The following NFRKB variants were observed in gnomAD, a reference collection of about 807,000 sequenced individuals.
NFRKB encodes the protein nuclear factor related to kappa-B-binding protein.
A neutral mutation model predicts 135.7 loss-of-function variants in NFRKB; 62 were observed. The observed-to-expected ratio is 0.46, with a 90% CI of 0.37 to 0.56. The LOEUF (loss-of-function observed/expected upper bound fraction) is 0.56. Among genes scored for constraint, NFRKB ranks in the 20% least tolerant of loss-of-function variants. NFRKB has a pLI of 0.00. For synonymous variants in NFRKB, 678 were observed against 635.6 expected (o/e 1.07, Z -1.00); for missense variants, 1,545 against 1,662.0 (o/e 0.93, Z 1.22).
chr11:129,886,594 CCAAAAGTAAAAGCGTGCTGAGAAG>C, intron 4 of NFRKB, 150 bp from the exon 5 acceptor site: 1 of 732,058 alleles, frequency 1.4e-6, no homozygotes, highest in East Asian at 2.8e-5. Context: ...AGAAGGAGAA[CCAAAAGTAAAAGCGTGCTGAGAAG>C]CAATGACAGC....
At chr11:129,891,288 C>T (rs946210163) in intron 3 of NFRKB, among the ~76,000 whole-genome samples, 3 of 152,184 alleles carry the variant, frequency 2.0e-5, no homozygotes, top group Admixed American at 6.5e-5. Context: ...TGCACCAATA[C>T]GCGCTGAATC....
chr11:129,882,745 A>G (rs1400273059), intron 9 of NFRKB, 114 bp from the exon 10 acceptor site: 2 of 1,104,262 alleles, frequency 1.8e-6, no homozygotes, highest in Non-Finnish European at 2.6e-6. Context: ...AAGTCTCAGT[A>G]ATAAAACACT....
At chr11:129,878,106 C>T (rs1192333734) in intron 15 of NFRKB, among the ~76,000 whole-genome samples, 4 of 152,140 alleles carry the variant, frequency 2.6e-5, no homozygotes, top group Non-Finnish European at 5.9e-5. Context: ...GCTCTCCTGC[C>T]GTCCCCTCTC....
At position 129,881,863 on chromosome 11, in the gene NFRKB, A is replaced by G. The variant is rs757366095; in HGVS notation, c.1192-10T>C. ...AAACTCGCTCCTCTAGCTGAGGGAA[A>G]GCAAAGGCAGAACCCAGTCAGACTT... On this transcript the variant is annotated splice_polypyrimidine_tract_variant and intron_variant, in intron 11 of 26. Transcript: ENST00000682444. 1 of 1,589,918 alleles carries G rather than the reference A, an allele frequency of 6.3e-7. No homozygotes were observed. The highest frequency in any genetic ancestry group is 1.2e-5 in the South Asian group (1 of 86,588).
chr11:129,882,144 C>G lies in NFRKB; in HGVS notation c.1133G>C (p.Ser378Thr). ...PCLGINEISSSFFSLLLEILL... is the reference protein window; with the variant it reads ...PCLGINEISSTFFSLLLEILL... ...GATCTCTAATAGAAGAGAGAAGAAG[C>G]TGGAAGATATTTCATTGATTCCAAG... The change falls in exon 11 of 27, where the codon AGC (serine) becomes ACC (threonine). Residue 378 changes from serine (S) to threonine (T), a missense_variant. Physicochemically the swap from Ser to Thr is moderately conservative, Grantham distance 58. Around this residue, in one of 3 missense-constraint regions of NFRKB, gnomAD observed 678 missense variants for 646.7 expected, o/e 1.05. Transcript: ENST00000682444. 1.1e-5 allele frequency: 18 copies of G among 1,613,586 alleles called. No homozygotes were observed. Among genetic ancestry groups the G allele is most frequent in the Non-Finnish European group, 1.5e-5 (18 of 1,179,856 alleles).
chr11:129,878,511 C>A lies in NFRKB; in HGVS notation c.1417G>T (p.Ala473Ser). ...GTCTCTAGCCATAGCTGGAAGAGGG[C>A]AGCTAATTCCTTTTCATTATCTTGG... Reference protein sequence around the residue: ...QSQDNEKELAALFQLWLETKD... With the variant: ...QSQDNEKELASLFQLWLETKD... Residue 473 changes from alanine to serine, a missense_variant, in exon 14 of 27, where the codon GCC becomes TCC. Transcript: ENST00000682444. The A allele has an allele frequency of 1.2e-6, 2 of 1,614,126 alleles. No homozygotes were observed. Among genetic ancestry groups the A allele is most frequent in the Non-Finnish European group, 1.7e-6 (2 of 1,179,998 alleles).
Position 129,874,486 on chromosome 11 carries a change from C to G in NFRKB, c.2058+15G>C. 1 of 1,611,912 alleles carries G rather than the reference C, an allele frequency of 6.2e-7. No individual in the cohort carries two copies. The highest frequency in any genetic ancestry group is 8.5e-7 in the Non-Finnish European group (1 of 1,179,144). On this transcript the variant is annotated intron_variant, in intron 20 of 26. Transcript: ENST00000682444. This position sits in a 1 kb window ranked among gnomAD's most constrained non-coding sequence, Gnocchi z 4.5. ...CCAGAATCCCTAGGGCAGACACTCT[C>G]CTGAAGTCACTTACCACCTTGGATG...
At chr11:129,867,393 T>C (rs1394591982) in intron 24 of NFRKB, among the ~76,000 whole-genome samples, 1 of 151,078 alleles carries the variant, frequency 6.6e-6, no homozygotes, top group East Asian at 1.9e-4. Flanking sequence ...TGGCACGATC[T>C]TGGCTCACTG....
chr11:129,873,726 C>T lies in NFRKB; in HGVS notation c.2550+19G>A, dbSNP rs1213592738. On this transcript the variant is annotated intron_variant, in intron 22 of 26. Transcript: ENST00000682444. ...GGTCTGCATCTCTGCTTCCCAATGA[C>T]CACGGCTTCCCTGTTTACCTGGGGC... 1 of 1,605,538 alleles carries T rather than the reference C, an allele frequency of 6.2e-7. No individual in the cohort carries two copies. The highest frequency in any genetic ancestry group is 8.5e-7 in the Non-Finnish European group (1 of 1,172,862).
chr11:129,883,149 T>G lies in NFRKB; in HGVS notation c.874A>C (p.Asn292His), dbSNP rs1421208316. Residue 292 changes from asparagine (N) to histidine (H), a missense_variant, in exon 9 of 27, where the codon AAT (asparagine) becomes CAT (histidine). Physicochemically the swap from Asn to His is moderately conservative, Grantham distance 68. This residue lies in a region of NFRKB where 678 missense variants were observed against 646.7 expected (regional missense o/e 1.05). Transcript: ENST00000682444. ...LTLNDIMTRV[N>H]AGRKGSLAAL... ...GCCAGAGAGCCCTTCCTGCCAGCAT[T>G]TACTCGAGTCATGATGTCATTGAGA... 1 of 1,613,950 alleles carries G rather than the reference T, an allele frequency of 6.2e-7. No homozygotes were observed. Among genetic ancestry groups the G allele is most frequent in the African/African-American group, 1.3e-5 (1 of 74,874 alleles).
At position 129,888,839 on chromosome 11, in the gene NFRKB, G is replaced by T. The variant is rs146576846; in HGVS notation, c.136-44C>A. Reference sequence around the variant, plus strand: ...GTAAACAAAAGTAAAATAAATTTTTGAGTTTTTTGTATGTATGCGTATACA... The same window carrying T: ...GTAAACAAAAGTAAAATAAATTTTTTAGTTTTTTGTATGTATGCGTATACA... On this transcript the variant is annotated intron_variant, in intron 3 of 26. Coordinates refer to ENST00000682444, the MANE Select transcript of NFRKB (RefSeq NM_001143835.2). The T allele has an allele frequency of 2.1e-4, 323 of 1,538,192 alleles. 1 individual carries two copies. In the African/African-American group the frequency reaches 4.0e-3, roughly 19 times the overall value.
At position 129,864,674 on chromosome 11, in the gene NFRKB, A is replaced by G. The variant is rs1441364857; in HGVS notation, c.*51T>C. On this transcript the variant is annotated 3_prime_UTR_variant, in exon 27 of 27. Coordinates refer to ENST00000682444, the MANE Select transcript of NFRKB (RefSeq NM_001143835.2). ...GATGCAACCTCCCTGGTCCCTTCTCAGCCAGGACAGACCAGGCATGGTCTT... is the reference window on the plus strand; with the variant it reads ...GATGCAACCTCCCTGGTCCCTTCTCGGCCAGGACAGACCAGGCATGGTCTT... The G allele has an allele frequency of 6.2e-7, 1 of 1,612,282 alleles. No individual in the cohort carries two copies. Among genetic ancestry groups the G allele is most frequent in the East Asian group, 2.2e-5 (1 of 44,852 alleles).
chr11:129,868,706 C>T (rs1948335387), intron 24 of NFRKB, among the ~76,000 whole-genome samples: 1 of 152,186 alleles, frequency 6.6e-6, no homozygotes, highest in African/African-American at 2.4e-5. Flanking sequence ...TGTGTATGGC[C>T]TAGAACGACC....
intron 7 of NFRKB, 98 bp from the exon 8 acceptor site, chr11:129,884,241 G>T: frequency 1.6e-6 from 2 of 1,257,932 alleles, no homozygotes; most frequent in South Asian, 1.2e-5. Context: ...TTTCCCTTCT[G>T]ACACCTGTGA....
At position 129,873,013 on chromosome 11, in the gene NFRKB, C is replaced by T. The variant is rs769284143; in HGVS notation, c.2634G>A (p.Thr878=). 1.9e-6 allele frequency: 3 copies of T among 1,614,196 alleles called. No individual in the cohort carries two copies. Among genetic ancestry groups the T allele is most frequent in the African/African-American group, 2.7e-5 (2 of 75,060 alleles). ...TGGCTGTGGCAGGGAGACTTGTCAC[C>T]GTGAGCCCTGTCTGCCCGGGTCCAG... ...QRPGPGQTGL[T]VTSLPATASP... is the part of the protein sequence containing the mutation. The change falls in exon 23 of 27, where the codon ACG becomes ACA. Residue 878 remains threonine (T), a synonymous_variant. Coordinates refer to ENST00000682444, the MANE Select transcript of NFRKB (RefSeq NM_001143835.2).
At chr11:129,892,930 C>T (rs943382622) in intron 2 of NFRKB, 60 bp from the exon 3 acceptor site, 2 of 1,608,116 alleles carry the variant, frequency 1.2e-6, no homozygotes, top group Non-Finnish European at 8.5e-7. Context: ...CTAGTTGATG[C>T]TAACACTCCT....
Position 129,885,525 on chromosome 11 carries a change from G to A in NFRKB, c.550C>T (p.Arg184Trp), listed in dbSNP as rs754989835. Residue 184 changes from arginine (R) to tryptophan (W), a missense_variant, in exon 6 of 27, where the codon CGG becomes TGG. Arg to Trp is a moderately radical substitution (Grantham distance 101). Transcript: ENST00000682444. ...RPSPSRTPEE[R>W]EWRTQQRYLK... The stretch of plus-strand genomic sequence containing the variant: ...TAGCGCTGCTGGGTCCGCCACTCCC[G>A]CTCCTCAGGTGTGCGGGATGGTGAA... The A allele has an allele frequency of 3.8e-5, 62 of 1,614,012 alleles. No homozygotes were observed. Among genetic ancestry groups the A allele is most frequent in the East Asian group, 6.7e-5 (3 of 44,888 alleles).
chr11:129,874,734 G>T lies in NFRKB; in HGVS notation c.1978+59C>A. On this transcript the variant is annotated intron_variant, in intron 19 of 26. Transcript: ENST00000682444. The surrounding 1 kb of genome is among the most constrained non-coding windows in gnomAD (Gnocchi z 4.5). The stretch of plus-strand genomic sequence containing the variant: ...CCAATGAAAAGAATAATGGAATTGG[G>T]GTAGAAAGTCAGAACGTATCCCCAG... The T allele has an allele frequency of 5.0e-6, 8 of 1,612,932 alleles. No homozygotes were observed. Among genetic ancestry groups the T allele is most frequent in the Non-Finnish European group, 6.8e-6 (8 of 1,179,038 alleles).
rs1279545274 is a variant in NFRKB, at chr11:129,873,955, G to A, written c.2340C>T (p.Ser780=). The A allele has an allele frequency of 6.2e-7, 1 of 1,612,836 alleles. No individual in the cohort carries two copies. The highest frequency in any genetic ancestry group is 1.7e-5 in the Admixed American group (1 of 59,988). The stretch of plus-strand genomic sequence containing the variant: ...CCTGAGAACTGGGTGCAGTCTGGCT[G>A]GAAGCTGGGGAAAGCATTGTTCCCA... ...PHLGTMLSPA[S]SQTAPSSQAA... Residue 780 remains serine (S), a synonymous_variant, in exon 22 of 27, where the codon TCC becomes TCT. Transcript: ENST00000682444.
Sources: gnomAD v4.1 joint callset for allele counts (sites outside exome capture counted in the v4.1 genomes callset) on GRCh38, gnomAD v4.1.1 for gene constraint, gnomAD v4.1.1 regional missense constraint, Gnocchi (gnomAD v3.1) non-coding constraint, MANE v1.5 for transcripts, NCBI Gene and HGNC (gene_info 2026-07-23, HGNC 2026-07-21) for gene names.